NHEJ1: variants seen among roughly 807,000 people sequenced by gnomAD.
NHEJ1 encodes non-homologous end-joining factor 1.
Under a neutral mutation model 39.4 loss-of-function variants are expected in NHEJ1, and 22 were observed. The observed-to-expected ratio is 0.56, with a 90% CI of 0.40 to 0.80. The LOEUF (loss-of-function observed/expected upper bound fraction) is 0.80, where lower values mean the gene tolerates loss of function less well. NHEJ1 is among the 30% of genes least tolerant of loss of function. NHEJ1 has a pLI of 0.00. For missense variants in NHEJ1, 329 were observed against 357.1 expected, an observed-to-expected ratio of 0.92 and a Z score of 0.63; for synonymous variants, 154 against 135.6, an observed-to-expected ratio of 1.14 and a Z score of -0.94.
chr2:219,140,433 A>T (rs1949679564), intron 5 of NHEJ1, among the ~76,000 whole-genome samples: 1 of 152,228 alleles, frequency 6.6e-6, no homozygotes, highest in Admixed American at 6.5e-5. Flanking sequence ...CAGGATACAA[A>T]TAAGGAGGCT....
At chr2:219,077,668 G>T (rs111729661) in intron 6 of NHEJ1, among the ~76,000 whole-genome samples, 4 of 150,212 alleles carry the variant, frequency 2.7e-5, no homozygotes, top group South Asian at 2.1e-4. Flanking sequence ...TTTTTTTAAA[G>T]AGATGAGGTT....
intron 5 of NHEJ1, among the ~76,000 whole-genome samples, chr2:219,097,806 G>A (rs1949223024): frequency 6.6e-6 from 1 of 152,134 alleles, no homozygotes; most frequent in Admixed American, 6.5e-5. Context: ...AGAAAGAACT[G>A]GGCTGAAGAT....
intron 3 of NHEJ1, among the ~76,000 whole-genome samples, chr2:219,149,617 A>G (rs528059888): frequency 2.8e-4 from 42 of 152,282 alleles, no homozygotes; most frequent in Non-Finnish European, 3.5e-4. Flanking sequence ...TCCTGTCTCA[A>G]AATAAAATAA....
At position 219,157,609 on chromosome 2, in the gene NHEJ1, T is replaced by C; in HGVS notation, c.253A>G (p.Lys85Glu). 6.2e-7 allele frequency: 1 copy of C among 1,614,114 alleles called. No individual in the cohort carries two copies. The change falls in exon 3 of 8, where the codon AAG (lysine) becomes GAG (glutamate). Residue 85 changes from lysine to glutamate, a missense_variant. By Grantham distance (56) the Lys-to-Glu change is moderately conservative (BLOSUM62 1). Coordinates refer to ENST00000356853, the MANE Select transcript of NHEJ1 (RefSeq NM_024782.3). ...HLDNLLRPLL[K>E]DAAHPSEATF... The stretch of plus-strand genomic sequence containing the variant: ...GCTTCGCTAGGGTGAGCAGCGTCCT[T>C]CAACAATGGGCGAAGGAGATTATCC...
intron 3 of NHEJ1, among the ~76,000 whole-genome samples, chr2:219,148,532 C>T (rs547092613): frequency 6.6e-6 from 1 of 152,310 alleles, no homozygotes; most frequent in Admixed American, 6.5e-5. Flanking sequence ...GCATTCCAGC[C>T]TGGGCAACAG....
chr2:219,098,284 G>A (rs1384329279), intron 5 of NHEJ1, among the ~76,000 whole-genome samples: 2 of 152,158 alleles, frequency 1.3e-5, no homozygotes, highest in Non-Finnish European at 2.9e-5. Flanking sequence ...GATGTAGGGT[G>A]GTAACTGGTG....
In NHEJ1 at chr2:219,094,199, A is replaced by G. The variant is rs1282403583; in HGVS notation, c.589-15993T>C. On this transcript the variant is annotated intron_variant, in intron 5 of 7. Transcript: ENST00000356853. ...ATCTGATCTGATCTAAAATGTTAGG[A>G]TGACCCTAACATCCAGTGCCTGGGG... is the stretch of plus-strand genomic sequence containing the variant. Among the ~76,000 whole-genome samples, 5 of 152,328 alleles carry G rather than the reference A, an allele frequency of 3.3e-5. No individual in the cohort carries two copies. In the East Asian group the frequency reaches 9.6e-4, roughly 29 times the overall value.
rs1432995567 is a variant in NHEJ1 at position 219,146,670 on chromosome 2, A to C, written c.588+10T>G. Reference sequence around the variant, plus strand: ...GGCAAAGACACACAAGAAAATGACAAATACCTTACCTCTATCATAAATTGT... The same window carrying C: ...GGCAAAGACACACAAGAAAATGACACATACCTTACCTCTATCATAAATTGT... On this transcript the variant is annotated intron_variant, in intron 5 of 7. Coordinates refer to ENST00000356853, the MANE Select transcript of NHEJ1 (RefSeq NM_024782.3). The C allele has an allele frequency of 6.2e-7, 1 of 1,604,898 alleles. No homozygotes were observed. The highest frequency in any genetic ancestry group is 8.5e-7 in the Non-Finnish European group (1 of 1,171,670).
chr2:219,158,377 T>C lies in NHEJ1; in HGVS notation c.1-15A>G, dbSNP rs774499981. On this transcript the variant is annotated splice_polypyrimidine_tract_variant and intron_variant, in intron 1 of 7. Transcript: ENST00000356853. ...AGTTCTTCCATCTGCAAAAAAGTCC[T>C]CATTTAGTAAAGAGCCTCAGGGTCA... 1.2e-5 allele frequency: 19 copies of C among 1,613,564 alleles called. No individual in the cohort carries two copies. The highest frequency in any genetic ancestry group is 1.0e-4 in the Admixed American group (6 of 60,004).
At chr2:219,151,331 A>G (rs972087249) in intron 3 of NHEJ1, among the ~76,000 whole-genome samples, 9 of 152,192 alleles carry the variant, frequency 5.9e-5, no homozygotes, top group Non-Finnish European at 1.2e-4. Context: ...TTCCCTCTGG[A>G]TGGCTACCTC....
chr2:219,079,026 A>G (rs553427320), intron 5 of NHEJ1, among the ~76,000 whole-genome samples: 11 of 152,332 alleles, frequency 7.2e-5, no homozygotes, highest in African/African-American at 2.2e-4. Context: ...TGATTACATT[A>G]TATTTATCTG....
intron 5 of NHEJ1, among the ~76,000 whole-genome samples, chr2:219,126,834 A>G (rs1949528133): frequency 6.6e-6 from 1 of 152,276 alleles, no homozygotes; most frequent in African/African-American, 2.4e-5. Flanking sequence ...GAGTTACCCA[A>G]GTGAAAAGGT....
intron 5 of NHEJ1, among the ~76,000 whole-genome samples, chr2:219,122,654 GCCT>G (rs1008784851): frequency 6.6e-6 from 1 of 152,042 alleles, no homozygotes; most frequent in Non-Finnish European, 1.5e-5. Flanking sequence ...CTTAAGATTT[GCCT>G]CCTCCTCAAT....
At chr2:219,079,850 T>C (rs909068599) in intron 5 of NHEJ1, among the ~76,000 whole-genome samples, 1 of 152,184 alleles carries the variant, frequency 6.6e-6, no homozygotes, top group African/African-American at 2.4e-5. Flanking sequence ...TCCTTATATA[T>C]TGACCTCTAG....
chr2:219,094,050 G>A (rs1949184464), intron 5 of NHEJ1, among the ~76,000 whole-genome samples: 1 of 152,206 alleles, frequency 6.6e-6, no homozygotes, highest in Non-Finnish European at 1.5e-5. Context: ...AGGTTTTGAG[G>A]TGAGGAAGTC....
intron 5 of NHEJ1, among the ~76,000 whole-genome samples, chr2:219,083,333 T>C (rs1332217054): frequency 2.0e-5 from 3 of 151,800 alleles, no homozygotes; most frequent in African/African-American, 7.3e-5. Flanking sequence ...ACTGCAGTAG[T>C]AAAAGGCTGA....
chr2:219,107,562 G>T (rs1379735511), intron 5 of NHEJ1, among the ~76,000 whole-genome samples: 2 of 152,170 alleles, frequency 1.3e-5, no homozygotes, highest in Non-Finnish European at 2.9e-5. Flanking sequence ...TGGGGACAGA[G>T]GAACTGTTTC....
chr2:219,106,387 T>A (rs1304258949), intron 5 of NHEJ1, among the ~76,000 whole-genome samples: 1 of 152,110 alleles, frequency 6.6e-6, no homozygotes, highest in Non-Finnish European at 1.5e-5. Flanking sequence ...AGACTAGACA[T>A]GATAACCTTC....
Position 219,157,541 on chromosome 2 carries a change from C to A in NHEJ1, c.321G>T (p.Arg107=), listed in dbSNP as rs746549857. ...GGAGGCCAGAGAGCTCACTTCGCAC[C>A]CGTAGAATCAGTGCATCTGCCACAC... ...CDCVADALIL[R]VRSELSGLPF... is the part of the protein sequence containing the mutation. Residue 107 remains arginine, a synonymous_variant, in exon 3 of 8, where the codon CGG becomes CGT. Transcript: ENST00000356853. 6.2e-7 allele frequency: 1 copy of A among 1,614,144 alleles called. No individual in the cohort carries two copies. The highest frequency in any genetic ancestry group is 1.7e-5 in the Admixed American group (1 of 60,010).
Sources: gnomAD v4.1 joint callset for allele counts (sites outside exome capture counted in the v4.1 genomes callset) on GRCh38, gnomAD v4.1.1 for gene constraint, MANE v1.5 for transcripts, NCBI Gene and HGNC (gene_info 2026-07-23, HGNC 2026-07-21) for gene names.